Variants in ZDHHC16 observed in about 807,000 individuals in gnomAD.
ZDHHC16 encodes palmitoyltransferase ZDHHC16.
Under a neutral mutation model 54.4 loss-of-function variants are expected in ZDHHC16, and 33 were observed. That is an observed-to-expected ratio of 0.61 (90% CI 0.46 to 0.81). The LOEUF (loss-of-function observed/expected upper bound fraction) is 0.81, where lower values mean the gene tolerates loss of function less well. Among genes scored for constraint, ZDHHC16 ranks in the 30% least tolerant of loss-of-function variants. The probability of loss-of-function intolerance (pLI) is 0.00; values close to 1 mark genes in which losing one functional copy is unlikely to be tolerated. For missense variants in ZDHHC16, 420 were observed against 485.9 expected (o/e 0.86, Z 1.28); for synonymous variants, 185 against 182.1 (o/e 1.02, Z -0.13).
At chr10:97,455,575 A>G in intron 9 of ZDHHC16, 85 bp from the exon 10 acceptor site, 1 of 1,608,272 alleles carries the variant, frequency 6.2e-7, no homozygotes, top group Non-Finnish European at 8.5e-7. Flanking sequence ...GTTCCAAACC[A>G]GTTGTTACTG....
At chr10:97,453,195 T>C (rs545321218) in intron 6 of ZDHHC16, among the ~76,000 whole-genome samples, 1 of 152,246 alleles carries the variant, frequency 6.6e-6, no homozygotes, top group Non-Finnish European at 1.5e-5. Flanking sequence ...TTGTTTACTG[T>C]GTACGCCAGA....
chr10:97,452,066 C>T (rs1479548154), intron 3 of ZDHHC16, 24 bp from the exon 4 acceptor site: 7 of 1,613,668 alleles, frequency 4.3e-6, no homozygotes, highest in Non-Finnish European at 5.1e-6. Flanking sequence ...CGCCATGTCT[C>T]CCTGACCTTG....
intron 8 of ZDHHC16, 73 bp from the exon 9 acceptor site, chr10:97,454,641 C>T: frequency 7.5e-7 from 1 of 1,328,740 alleles, no homozygotes; most frequent in Non-Finnish European, 1.1e-6. Context: ...TCATTTCCTG[C>T]CTATAGGTGC....
chr10:97,453,044 C>A, intron 6 of ZDHHC16, 121 bp downstream of exon 6: 1 of 1,285,152 alleles, frequency 7.8e-7, no homozygotes, highest in Non-Finnish European at 1.1e-6. Flanking sequence ...AGTTGTGGGG[C>A]CTGACCATCT....
At chr10:97,456,159 A>G in intron 11 of ZDHHC16, 115 bp downstream of exon 11, 1 of 1,058,890 alleles carries the variant, frequency 9.4e-7, no homozygotes, top group Non-Finnish European at 1.4e-6. Flanking sequence ...GCACAGTTCT[A>G]GACTCTAGGA....
At chr10:97,453,952 A>G in intron 8 of ZDHHC16, 106 bp downstream of exon 8, 1 of 1,465,474 alleles carries the variant, frequency 6.8e-7, no homozygotes, top group South Asian at 1.2e-5. Flanking sequence ...GGCTGCCGAG[A>G]GGCCACTCTA....
At chr10:97,453,710 A>G in intron 7 of ZDHHC16, 47 bp downstream of exon 7, 1 of 1,614,118 alleles carries the variant, frequency 6.2e-7, no homozygotes, top group South Asian at 1.1e-5. Context: ...GAACTTCGGG[A>G]TGTAGAACCT....
At position 97,451,872 on chromosome 10, in the gene ZDHHC16, A is replaced by G. The variant is rs989992512; in HGVS notation, c.197A>G (p.Glu66Gly). The change falls in exon 3 of 12, where the codon GAG becomes GGG. Residue 66 changes from glutamate (E) to glycine (G), a missense_variant. Physicochemically the swap from Glu to Gly is moderately conservative, Grantham distance 98. Coordinates refer to ENST00000393760, the MANE Select transcript of ZDHHC16 (RefSeq NM_198046.3). Reference sequence around the variant, plus strand: ...GACACCGCTGTTGATGCTGCCTTTGAGCCTGTCTACTGGCTGGTAGACAAC... The same window carrying G: ...GACACCGCTGTTGATGCTGCCTTTGGGCCTGTCTACTGGCTGGTAGACAAC... Reference protein sequence around the residue: ...GSDTAVDAAFEPVYWLVDNVI... With the variant: ...GSDTAVDAAFGPVYWLVDNVI... The G allele has an allele frequency of 7.4e-6, 12 of 1,613,942 alleles. No individual in the cohort carries two copies. The highest frequency in any genetic ancestry group is 4.2e-6 in the Non-Finnish European group (5 of 1,179,988).
intron 3 of ZDHHC16, 33 bp downstream of exon 3, chr10:97,451,951 G>A: frequency 6.3e-7 from 1 of 1,594,780 alleles, no homozygotes; most frequent in Non-Finnish European, 8.6e-7. Flanking sequence ...GAAAAGGGGT[G>A]TTGTGGGGAG....
intron 6 of ZDHHC16, 137 bp downstream of exon 6, chr10:97,453,060 G>A: frequency 8.9e-7 from 1 of 1,126,508 alleles, no homozygotes; most frequent in East Asian, 2.4e-5. Flanking sequence ...CATCTCCTGG[G>A]AGAGCAGGAA....
chr10:97,453,677 G>A lies in ZDHHC16; in HGVS notation c.690+14G>A. On this transcript the variant is annotated intron_variant, in intron 7 of 11. Coordinates refer to ENST00000393760, the MANE Select transcript of ZDHHC16 (RefSeq NM_198046.3). ...GCTGCCATTGAGGTGAGCTCATCAGGAACAGGGCAGCTCAGTAGTGCAGAA... is the reference window on the plus strand; with the variant it reads ...GCTGCCATTGAGGTGAGCTCATCAGAAACAGGGCAGCTCAGTAGTGCAGAA... 6.2e-7 allele frequency: 1 copy of A among 1,614,212 alleles called. No homozygotes were observed. The highest frequency in any genetic ancestry group is 2.2e-5 in the East Asian group (1 of 44,886).
Position 97,456,821 on chromosome 10 carries a change from A to G in ZDHHC16, c.1064A>G (p.His355Arg). The change falls in exon 12 of 12, where the codon CAT (histidine) becomes CGT (arginine). Residue 355 changes from histidine to arginine, a missense_variant. His to Arg is a conservative substitution (Grantham distance 29). Coordinates refer to ENST00000393760, the MANE Select transcript of ZDHHC16 (RefSeq NM_198046.3). Reference protein sequence around the residue: ...RVLLPSSHLPHGNGMSWEPPP... With the variant: ...RVLLPSSHLPRGNGMSWEPPP... ...CTCTTACCTTCTAGTCACTTGCCCC[A>G]TGGGAATGGAATGAGCTGGGAGCCC... The G allele has an allele frequency of 6.2e-6, 10 of 1,613,840 alleles. No individual in the cohort carries two copies. Among genetic ancestry groups the G allele is most frequent in the Non-Finnish European group, 7.6e-6 (9 of 1,179,848 alleles).
In ZDHHC16 at chr10:97,452,142, A is replaced by G. The variant is rs1422352013; in HGVS notation, c.296A>G (p.Tyr99Cys). ...VLTGSIVAIA[Y>C]LCVLPLILRT... Reference sequence around the variant, plus strand: ...ACAGGCTCCATTGTAGCTATCGCCTACCTGTGTGTCCTGCCTCTCATCCTC... The same window carrying G: ...ACAGGCTCCATTGTAGCTATCGCCTGCCTGTGTGTCCTGCCTCTCATCCTC... The change falls in exon 4 of 12, where the codon TAC becomes TGC. Residue 99 changes from tyrosine to cysteine, a missense_variant. By Grantham distance (194) the Tyr-to-Cys change is radical. Coordinates refer to ENST00000393760, the MANE Select transcript of ZDHHC16 (RefSeq NM_198046.3). 3 of 1,613,910 alleles carry G rather than the reference A, an allele frequency of 1.9e-6. No homozygotes were observed. The highest frequency in any genetic ancestry group is 1.7e-5 in the Admixed American group (1 of 60,012).
At chr10:97,451,980 A>T (rs1846675166) in intron 3 of ZDHHC16, 62 bp downstream of exon 3, 2 of 1,591,342 alleles carry the variant, frequency 1.3e-6, no homozygotes, top group Non-Finnish European at 1.7e-6. Context: ...CATGTCTCTC[A>T]CAGACCCAAC....
At chr10:97,446,596 G>GT (rs1485230354) in intron 1 of ZDHHC16, among the ~76,000 whole-genome samples, 1 of 152,248 alleles carries the variant, frequency 6.6e-6, no homozygotes, top group Non-Finnish European at 1.5e-5. Context: ...CAGAGACAGG[G>GT]TTTGACTTGT....
At chr10:97,450,823 C>G (rs1846540210) in intron 2 of ZDHHC16, 1 of 151,656 alleles carries the variant, frequency 6.6e-6, no homozygotes, top group East Asian at 1.9e-4. Context: ...TGGAGTCCAT[C>G]AGAGAGGTCA....
chr10:97,451,543 T>G (rs1337062362), intron 2 of ZDHHC16, 128 bp from the exon 3 acceptor site: 2 of 1,319,726 alleles, frequency 1.5e-6, no homozygotes, highest in Non-Finnish European at 2.1e-6. Context: ...CTTCTCACAG[T>G]TGGTGACTGG....
At chr10:97,451,187 T>G (rs1277833760) in intron 2 of ZDHHC16, 1 of 160,150 alleles carries the variant, frequency 6.2e-6, no homozygotes, top group Non-Finnish European at 1.4e-5. Context: ...GGAATAATCA[T>G]CTGAAGGTAG....
rs931425235 is a variant in ZDHHC16 at position 97,450,399 on chromosome 10, C to T, written c.-143C>T. On this transcript the variant is annotated 5_prime_UTR_variant, in exon 2 of 12. Transcript: ENST00000393760. Reference sequence around the variant, plus strand: ...GCCAGGGTGCAAGGAGAGTACAATACTCCAGTTACCGAATTGAAACCATCC... The same window carrying T: ...GCCAGGGTGCAAGGAGAGTACAATATTCCAGTTACCGAATTGAAACCATCC... 6.6e-6 allele frequency: 1 copy of T among 152,256 alleles called. No individual in the cohort carries two copies. The highest frequency in any genetic ancestry group is 2.4e-5 in the African/African-American group (1 of 41,454). The allele number at this position is 152,256 out of a possible 1,614,324, so 9.4% of individuals were successfully genotyped here.
Sources: gnomAD v4.1 joint callset for allele counts (sites outside exome capture counted in the v4.1 genomes callset) on GRCh38, gnomAD v4.1.1 for gene constraint, MANE v1.5 for transcripts, NCBI Gene and HGNC (gene_info 2026-07-23, HGNC 2026-07-21) for gene names.